The following WFS1 variants were observed in gnomAD, a reference collection of about 807,000 sequenced individuals.
The protein encoded by WFS1 is wolframin.
WFS1 carries 90 observed loss-of-function variants against 68.5 expected under a neutral mutation model. The ratio of observed to expected loss-of-function variants is 1.31; its 90% CI spans 1.11 to 1.56. The LOEUF (loss-of-function observed/expected upper bound fraction) is 1.56. Among genes scored for constraint, WFS1 ranks in the 40% most tolerant of loss-of-function variants. WFS1 has a pLI of 0.00. For synonymous variants in WFS1, 860 were observed against 540.7 expected (o/e 1.59, Z -8.19); for missense variants, 1,767 against 1,232.6 (o/e 1.43, Z -6.49).
At position 6,302,625 on chromosome 4, in the gene WFS1, C is replaced by T. The variant is rs529217961; in HGVS notation, c.*157C>T. The T allele has an allele frequency of 5.0e-5, 52 of 1,034,036 alleles. No individual in the cohort carries two copies. Among genetic ancestry groups the T allele is most frequent in the South Asian group, 3.0e-4 (19 of 62,822 alleles). 64.1% of individuals were successfully genotyped at this position (1,034,036 alleles called of 1,614,324 possible). A position where few individuals can be genotyped will look rare whatever the true frequency, so the allele number is the denominator to read the frequency against. Reference sequence around the variant, plus strand: ...GACCATGTGTAGATTGCGTGGACCCCGACAAAGGGAAGGCTGCTGTGTAGC... The same window carrying T: ...GACCATGTGTAGATTGCGTGGACCCTGACAAAGGGAAGGCTGCTGTGTAGC... On this transcript the variant is annotated 3_prime_UTR_variant, in exon 8 of 8. Transcript: ENST00000226760.
intron 2 of WFS1, among the ~76,000 whole-genome samples, chr4:6,279,298 A>C (rs1730086314): frequency 6.6e-6 from 1 of 152,170 alleles, no homozygotes; most frequent in Non-Finnish European, 1.5e-5. Flanking sequence ...TATTTAACTG[A>C]CACTTCCCCG....
In WFS1 at chr4:6,302,054, GCT is replaced by G; in HGVS notation, c.2262_2263del (p.Cys755SerfsTer3). On this transcript the variant is annotated frameshift_variant, in exon 8 of 8. Transcript: ENST00000226760. LOFTEE classifies it high-confidence loss of function. ...PGNTSTAEEE[L>X]CRLKLLAKHP... ...GCAACACCTCCACGGCCGAGGAGGA[GCT>G]CTGTCGCCTTAAGCTGCTGGCCAAG... 1 of 1,612,886 alleles carries G rather than the reference GCT, an allele frequency of 6.2e-7. No individual in the cohort carries two copies. The highest frequency in any genetic ancestry group is 8.5e-7 in the Non-Finnish European group (1 of 1,180,008).
At chr4:6,271,730 A>C (rs998220568) in intron 1 of WFS1, among the ~76,000 whole-genome samples, 3 of 151,842 alleles carry the variant, frequency 2.0e-5, no homozygotes, top group Non-Finnish European at 4.4e-5. Context: ...CTCTCCCTGG[A>C]CGACCCCCAG....
intron 5 of WFS1, 70 bp downstream of exon 5, chr4:6,291,437 C>A: frequency 6.4e-7 from 1 of 1,573,886 alleles, no homozygotes; most frequent in East Asian, 2.3e-5. Flanking sequence ...AGGACCTTCC[C>A]ATAGGGGCTG....
Position 6,277,742 on chromosome 4 carries a change from G to A in WFS1, c.232+55G>A. ...GGGGATGTTCAGGGATAGCTGGGTG[G>A]GAACGGGGTTCAGCCACCCCTGGAG... On this transcript the variant is annotated intron_variant, in intron 2 of 7. Coordinates refer to ENST00000226760, the MANE Select transcript of WFS1 (RefSeq NM_006005.3). 16 of 1,542,182 alleles carry A rather than the reference G, an allele frequency of 1.0e-5. No individual in the cohort carries two copies. In the South Asian group the frequency reaches 1.8e-4, roughly 17 times the overall value.
intron 4 of WFS1, 96 bp downstream of exon 4, chr4:6,289,227 G>A (rs1370154396): frequency 5.6e-6 from 8 of 1,438,948 alleles, no homozygotes; most frequent in African/African-American, 1.4e-5. Flanking sequence ...CAAACCTAAC[G>A]CTGGTGATGC....
rs1165767620 is a variant in WFS1 at position 6,287,804 on chromosome 4, T to A, written c.315+629T>A. ...CTGTGTCCTCTGTGGAGGCAAGTTC[T>A]CACCACCTCACTCTGTCCCCTTGCA... is the stretch of plus-strand genomic sequence containing the variant. On this transcript the variant is annotated intron_variant, in intron 3 of 7. Transcript: ENST00000226760. This position sits in a 1 kb window ranked among gnomAD's most constrained non-coding sequence, Gnocchi z 6.4. Among the ~76,000 whole-genome samples, 1 of 152,198 alleles carries A rather than the reference T, an allele frequency of 6.6e-6. No individual in the cohort carries two copies. Among genetic ancestry groups the A allele is most frequent in the Non-Finnish European group, 1.5e-5 (1 of 68,036 alleles).
At chr4:6,298,661 CA>C (rs1211554947) in intron 7 of WFS1, among the ~76,000 whole-genome samples, 11 of 141,158 alleles carry the variant, frequency 7.8e-5, no homozygotes, top group African/African-American at 2.7e-4. Context: ...TGCACACACT[CA>C]TAACACTTCC....
intron 7 of WFS1, 119 bp from the exon 8 acceptor site, chr4:6,300,538 G>T: frequency 6.7e-7 from 1 of 1,487,698 alleles, no homozygotes; most frequent in Non-Finnish European, 9.1e-7. Context: ...GCTGGTGATG[G>T]GAAAACGCAA....
At position 6,301,442 on chromosome 4, in the gene WFS1, G is replaced by A. The variant is rs1445561981; in HGVS notation, c.1647G>A (p.Leu549=). 4 of 1,612,486 alleles carry A rather than the reference G, an allele frequency of 2.5e-6. No homozygotes were observed. Among genetic ancestry groups the A allele is most frequent in the Non-Finnish European group, 3.4e-6 (4 of 1,180,032 alleles). The change falls in exon 8 of 8, where the codon CTG becomes CTA. Residue 549 remains leucine (L), a synonymous_variant. Coordinates refer to ENST00000226760, the MANE Select transcript of WFS1 (RefSeq NM_006005.3). ...GTGAGCTCTCCGTGGTCATCCTGCTGGAGTCCACCGGCCTGGGGCTGCTCC... is the reference window on the plus strand; with the variant it reads ...GTGAGCTCTCCGTGGTCATCCTGCTAGAGTCCACCGGCCTGGGGCTGCTCC... ...MWCELSVVIL[L]ESTGLGLLRA...
chr4:6,286,039 C>T (rs188865022), intron 2 of WFS1, among the ~76,000 whole-genome samples: 7 of 151,904 alleles, frequency 4.6e-5, no homozygotes, highest in Non-Finnish European at 7.4e-5. Flanking sequence ...ATGGCACCAC[C>T]GTAGAAAACA....
In WFS1 at chr4:6,301,466, C is replaced by T. The variant is rs769507863; in HGVS notation, c.1671C>T (p.Leu557=). The T allele has an allele frequency of 9.3e-6, 15 of 1,612,696 alleles. No individual in the cohort carries two copies. Among genetic ancestry groups the T allele is most frequent in the South Asian group, 8.8e-5 (8 of 91,080 alleles). The change falls in exon 8 of 8, where the codon CTC becomes CTT. Residue 557 remains leucine (L), a synonymous_variant. Transcript: ENST00000226760. ...TGGAGTCCACCGGCCTGGGGCTGCT[C>T]CGCGCCTCCATCGGCTACTTCCTCT... The part of the protein sequence containing the change: ...ILLESTGLGL[L]RASIGYFLFL...
intron 7 of WFS1, among the ~76,000 whole-genome samples, chr4:6,296,429 C>T (rs1036995533): frequency 1.3e-4 from 20 of 152,210 alleles, no homozygotes; most frequent in Admixed American, 3.3e-4. Flanking sequence ...TGACACCGAC[C>T]GGTCTGCAGA....
At chr4:6,272,498 T>G (rs1044725370) in intron 1 of WFS1, among the ~76,000 whole-genome samples, 21 of 152,120 alleles carry the variant, frequency 1.4e-4, no homozygotes, top group African/African-American at 3.4e-4. Context: ...TGTGCCCTTG[T>G]CTTGAGGAGC....
chr4:6,289,962 G>A (rs1386065814), intron 4 of WFS1, among the ~76,000 whole-genome samples: 2 of 152,150 alleles, frequency 1.3e-5, no homozygotes, highest in Middle Eastern at 3.2e-3. Flanking sequence ...GTTTTGAGAT[G>A]GAGTCTCACT....
rs1468257255 is a variant in WFS1, at chr4:6,301,967, GTTC to G, written c.2176_2178del (p.Phe726del). ...CCGAGTCTGCCATCAACATGCTCCC[GTTC>G]TTCATCGGCGACTGGATGCGCTGCC... is the stretch of plus-strand genomic sequence containing the variant. On this transcript the variant is annotated inframe_deletion, in exon 8 of 8. Transcript: ENST00000226760. The G allele has an allele frequency of 1.9e-6, 3 of 1,612,788 alleles. No homozygotes were observed. Among genetic ancestry groups the G allele is most frequent in the Non-Finnish European group, 2.5e-6 (3 of 1,179,952 alleles).
Position 6,287,358 on chromosome 4 carries a change from T to C in WFS1, c.315+183T>C, listed in dbSNP as rs1054042298. 6.2e-6 allele frequency: 4 copies of C among 642,902 alleles called. No individual in the cohort carries two copies. Among genetic ancestry groups the C allele is most frequent in the African/African-American group, 1.8e-5 (1 of 55,932 alleles). 39.8% of individuals were successfully genotyped at this position (642,902 alleles called of 1,614,324 possible). ...GGTGCCCATGTTCACTGTGCCAGTT[T>C]TCCTCCTGGCACTCCTCTGGGGAGC... is the stretch of plus-strand genomic sequence containing the variant. On this transcript the variant is annotated intron_variant, in intron 3 of 7. Coordinates refer to ENST00000226760, the MANE Select transcript of WFS1 (RefSeq NM_006005.3). This position sits in a 1 kb window ranked among gnomAD's most constrained non-coding sequence, Gnocchi z 6.4.
In WFS1 at chr4:6,295,158, A is replaced by G. The variant is rs753193877; in HGVS notation, c.830A>G (p.Lys277Arg). Residue 277 changes from lysine (K) to arginine (R), a missense_variant, in exon 7 of 8, where the codon AAG (lysine) becomes AGG (arginine). Lys to Arg is a conservative substitution (Grantham distance 26, BLOSUM62 2). Coordinates refer to ENST00000226760, the MANE Select transcript of WFS1 (RefSeq NM_006005.3). ...DDEDDDELAG[K>R]SPEDLPLRLK... ...GAAGATGATGACGAGCTGGCGGGGA[A>G]GAGCCCTGAGGACCTGCCACTGCGT... 15 of 1,612,250 alleles carry G rather than the reference A, an allele frequency of 9.3e-6. No homozygotes were observed. The highest frequency in any genetic ancestry group is 1.3e-5 in the African/African-American group (1 of 74,912).
rs775617261 is a variant in WFS1 at position 6,283,913 on chromosome 4, G to A, written c.233-3180G>A. On this transcript the variant is annotated intron_variant, in intron 2 of 7. Transcript: ENST00000226760. The surrounding 1 kb of genome is among the most constrained non-coding windows in gnomAD (Gnocchi z 5.0). ...CTTGGTGGTCCACACTGATGCAGCC[G>A]GCTTCTGGGGGTGATCTTTCTGGCA... Among the ~76,000 whole-genome samples the A allele has an allele frequency of 9.9e-5, 15 of 152,128 alleles. No individual in the cohort carries two copies. The highest frequency in any genetic ancestry group is 3.4e-3 in the Middle Eastern group (1 of 294).
Sources: gnomAD v4.1 joint callset for allele counts (sites outside exome capture counted in the v4.1 genomes callset) on GRCh38, gnomAD v4.1.1 for gene constraint, Gnocchi (gnomAD v3.1) non-coding constraint, MANE v1.5 for transcripts, NCBI Gene and HGNC (gene_info 2026-07-23, HGNC 2026-07-21) for gene names.